Variants in PKN2 observed in about 807,000 individuals in gnomAD.
The protein encoded by PKN2 is protein kinase N2.
Under a neutral mutation model 119.1 loss-of-function variants are expected in PKN2, and 38 were observed. The observed-to-expected ratio is 0.32, with a 90% CI of 0.25 to 0.42. The LOEUF (loss-of-function observed/expected upper bound fraction) is 0.42, where lower values mean the gene tolerates loss of function less well. Ranked by LOEUF, PKN2 falls within the 10% of genes least tolerant of loss-of-function variation. PKN2 has a pLI of 1.00. For synonymous variants in PKN2, 390 were observed against 384.9 expected (o/e 1.01, Z -0.15); for missense variants, 850 against 1,165.1 (o/e 0.73, Z 3.94).
intron 8 of PKN2, among the ~76,000 whole-genome samples, chr1:88,793,644 C>T (rs985926340): frequency 2.6e-5 from 4 of 152,088 alleles, no homozygotes; most frequent in African/African-American, 2.4e-5. Flanking sequence ...CCATGGGGAA[C>T]GATTTCAGGA....
chr1:88,744,217 T>C (rs573169535), intron 2 of PKN2, among the ~76,000 whole-genome samples: 1 of 152,314 alleles, frequency 6.6e-6, no homozygotes, highest in Admixed American at 6.5e-5. Context: ...TTAGATTAGG[T>C]CTGGCAAGAA....
intron 16 of PKN2, among the ~76,000 whole-genome samples, chr1:88,820,235 A>ATATATATAT (rs1672216340): frequency 1.1e-5 from 1 of 93,518 alleles, no homozygotes; most frequent in African/African-American, 5.9e-5. Flanking sequence ...TATATATATA[A>ATATATATAT]ATAGAAAAAA....
At chr1:88,771,223 T>G (rs945483048) in intron 4 of PKN2, among the ~76,000 whole-genome samples, 198 bp from the exon 5 acceptor site, 1 of 152,206 alleles carries the variant, frequency 6.6e-6, no homozygotes, top group Non-Finnish European at 1.5e-5. Flanking sequence ...TTTTCAGATT[T>G]GTAATTTAGA....
chr1:88,772,510 G>A (rs916328908), intron 6 of PKN2, among the ~76,000 whole-genome samples: 5 of 152,154 alleles, frequency 3.3e-5, no homozygotes, highest in African/African-American at 1.2e-4. Flanking sequence ...TCCAAAATCT[G>A]AGATACTTCT....
At chr1:88,828,354 T>G in intron 18 of PKN2, 127 bp from the exon 19 acceptor site, 1 of 682,162 alleles carries the variant, frequency 1.5e-6, no homozygotes. Context: ...GTCTTAGATA[T>G]GTCTGAATTT....
At chr1:88,708,755 C>A (rs1374635408) in intron 1 of PKN2, among the ~76,000 whole-genome samples, 1 of 151,736 alleles carries the variant, frequency 6.6e-6, no homozygotes, top group East Asian at 1.9e-4. Context: ...AGCCACCATG[C>A]CCGGCCCCTA....
chr1:88,783,437 C>T (rs1190553924), intron 6 of PKN2, among the ~76,000 whole-genome samples: 1 of 151,858 alleles, frequency 6.6e-6, no homozygotes, highest in Non-Finnish European at 1.5e-5. Context: ...TCAGGGATCA[C>T]TATTCGTCTT....
intron 1 of PKN2, among the ~76,000 whole-genome samples, chr1:88,736,648 C>CCCG (rs1668361898): frequency 6.6e-6 from 1 of 152,178 alleles, no homozygotes; most frequent in East Asian, 1.9e-4. Flanking sequence ...AGCCACTGTG[C>CCCG]CCGACCCCTG....
intron 1 of PKN2, among the ~76,000 whole-genome samples, chr1:88,702,594 T>C (rs1417063214): frequency 6.6e-6 from 1 of 152,170 alleles, no homozygotes; most frequent in Non-Finnish European, 1.5e-5. Context: ...AAACAAAGAA[T>C]TGTTTTATTT....
intron 8 of PKN2, among the ~76,000 whole-genome samples, chr1:88,797,226 C>G (rs988511353): frequency 6.6e-6 from 1 of 151,712 alleles, no homozygotes; most frequent in Admixed American, 6.6e-5. Context: ...CCTAGCTACT[C>G]AGGAGGCTGA....
At chr1:88,793,322 G>A (rs1670924491) in intron 8 of PKN2, among the ~76,000 whole-genome samples, 1 of 151,948 alleles carries the variant, frequency 6.6e-6, no homozygotes, top group Non-Finnish European at 1.5e-5. Flanking sequence ...TATCTTTGTT[G>A]TAATGTTTTT....
At position 88,833,733 on chromosome 1, in the gene PKN2, CTA is replaced by C; in HGVS notation, c.*287_*288del. ...TCACGAATACTTTTGGATCAATAGTCTATTTTTAAAAAGAAAGAAAAAAACCA... is the reference window on the plus strand; with the variant it reads ...TCACGAATACTTTTGGATCAATAGTCTTTTTAAAAAGAAAGAAAAAAACCA... On this transcript the variant is annotated 3_prime_UTR_variant, in exon 22 of 22. Transcript: ENST00000370521. 1 of 292,656 alleles carries C rather than the reference CTA, an allele frequency of 3.4e-6. No individual in the cohort carries two copies. Among genetic ancestry groups the C allele is most frequent in the Non-Finnish European group, 6.3e-6 (1 of 158,866 alleles). 18.1% of individuals were successfully genotyped at this position (292,656 alleles called of 1,614,324 possible).
intron 1 of PKN2, among the ~76,000 whole-genome samples, chr1:88,716,618 C>G (rs1667467863): frequency 6.6e-6 from 1 of 152,100 alleles, no homozygotes; most frequent in Non-Finnish European, 1.5e-5. Flanking sequence ...ACTGCAACCC[C>G]TGCTTTTTTT....
At chr1:88,782,341 T>G (rs1246430957) in intron 6 of PKN2, among the ~76,000 whole-genome samples, 1 of 152,146 alleles carries the variant, frequency 6.6e-6, no homozygotes, top group Non-Finnish European at 1.5e-5. Flanking sequence ...TGGATACTTC[T>G]TGAGTTTATA....
At chr1:88,726,468 G>T (rs1227945685) in intron 1 of PKN2, among the ~76,000 whole-genome samples, 1 of 152,030 alleles carries the variant, frequency 6.6e-6, no homozygotes, top group Non-Finnish European at 1.5e-5. Context: ...ATATATGGTG[G>T]ATTATATTGA....
chr1:88,714,986 C>T lies in PKN2; in HGVS notation c.49-26002C>T, dbSNP rs181341870. 4.0e-4 allele frequency among the ~76,000 whole-genome samples: 61 copies of T among 152,186 alleles called. No homozygotes were observed. The East Asian group carries it at 0.012, about 29-fold the overall frequency. On this transcript the variant is annotated intron_variant, in intron 1 of 21. Transcript: ENST00000370521. ...TATTGACTGTTTTTAGTATGAAGCG[C>T]TGTTGAATTTTGTCAAAGGCCTTTT...
At chr1:88,740,110 G>A (rs1668520203) in intron 1 of PKN2, among the ~76,000 whole-genome samples, 1 of 152,084 alleles carries the variant, frequency 6.6e-6, no homozygotes, top group Admixed American at 6.5e-5. Context: ...AGTATGGGGT[G>A]TGTATTTAGA....
At chr1:88,721,364 C>G (rs1052924394) in intron 1 of PKN2, among the ~76,000 whole-genome samples, 53 of 152,034 alleles carry the variant, frequency 3.5e-4, no homozygotes, top group Admixed American at 9.8e-4. Flanking sequence ...GTGTTTTTGA[C>G]CCTTTGTTCT....
In PKN2 at chr1:88,805,929, C is replaced by A; in HGVS notation, c.1715C>A (p.Pro572His). 1 of 1,613,854 alleles carries A rather than the reference C, an allele frequency of 6.2e-7. No homozygotes were observed. Reference protein sequence around the residue: ...TVTKLDFDLEPEPPPAPPRAS... With the variant: ...TVTKLDFDLEHEPPPAPPRAS... ...ACCAAATTGGACTTTGATCTTGAGC[C>A]TGAACCTCCTCCAGCCCCACCACGA... Residue 572 changes from proline (P) to histidine (H), a missense_variant, in exon 12 of 22, where the codon CCT becomes CAT. Physicochemically the swap from Pro to His is moderately conservative, Grantham distance 77. Around this residue, in one of 9 missense-constraint regions of PKN2, gnomAD observed 216 missense variants for 252.8 expected, o/e 0.85. Coordinates refer to ENST00000370521, the MANE Select transcript of PKN2 (RefSeq NM_006256.4).
Sources: allele counts gnomAD v4.1 joint callset (sites outside exome capture counted in the v4.1 genomes callset), GRCh38; gene constraint gnomAD v4.1.1; regional missense constraint gnomAD v4.1.1; transcripts MANE v1.5; gene names NCBI Gene and HGNC (gene_info 2026-07-23, HGNC 2026-07-21).